The following ZFYVE21 variants were observed in gnomAD, a reference collection of about 807,000 sequenced individuals.
ZFYVE21 encodes the protein zinc finger FYVE-type containing 21, also known as zinc finger FYVE domain-containing protein 21.
Under a neutral mutation model 29.5 loss-of-function variants are expected in ZFYVE21, and 21 were observed. The observed-to-expected ratio is 0.71, with a 90% CI of 0.50 to 1.02. The LOEUF (loss-of-function observed/expected upper bound fraction) is 1.02, where lower values mean the gene tolerates loss of function less well. Among genes scored for constraint, ZFYVE21 ranks in the 50% least tolerant of loss-of-function variants. The pLI is 0.00. For missense variants in ZFYVE21, 326 were observed against 335.4 expected, an observed-to-expected ratio of 0.97 and a Z score of 0.22; for synonymous variants, 151 against 133.8, an observed-to-expected ratio of 1.13 and a Z score of -0.89.
chr14:103,728,422 C>T (rs549321631), intron 3 of ZFYVE21, among the ~76,000 whole-genome samples: 1 of 152,318 alleles, frequency 6.6e-6, no homozygotes, highest in South Asian at 2.1e-4. Flanking sequence ...CCACTGCCGT[C>T]CCAGCCTCCT....
chr14:103,716,221 G>A lies in ZFYVE21; in HGVS notation c.138+242G>A, dbSNP rs576371486. Among the ~76,000 whole-genome samples, 3 of 152,050 alleles carry A rather than the reference G, an allele frequency of 2.0e-5. No individual in the cohort carries two copies. The highest frequency in any genetic ancestry group is 4.4e-5 in the Non-Finnish European group (3 of 67,918). Reference sequence around the variant, plus strand: ...GTGCGGGGGTCCCGGGAGGGCAGGAGGCACCTGTCCAGGGCGGGCGCCGGG... The same window carrying A: ...GTGCGGGGGTCCCGGGAGGGCAGGAAGCACCTGTCCAGGGCGGGCGCCGGG... On this transcript the variant is annotated intron_variant, in intron 1 of 6. Transcript: ENST00000311141. The surrounding 1 kb of genome is among the most constrained non-coding windows in gnomAD (Gnocchi z 4.8).
chr14:103,733,136 C>T lies in ZFYVE21; in HGVS notation c.*118C>T. ...ATCCTGCTTGTGCTGGGAAATGCAA[C>T]TCACTCATGTATTTGGAGAAACAGG... On this transcript the variant is annotated 3_prime_UTR_variant, in exon 7 of 7. Transcript: ENST00000311141. 7.4e-7 allele frequency: 1 copy of T among 1,346,238 alleles called. No homozygotes were observed. Among genetic ancestry groups the T allele is most frequent in the Non-Finnish European group, 1.0e-6 (1 of 953,566 alleles). The allele number at this position is 1,346,238 out of a possible 1,614,324, so 83.4% of individuals were successfully genotyped here. A position where few individuals can be genotyped will look rare whatever the true frequency, so the allele number is the denominator to read the frequency against.
chr14:103,718,209 C>T (rs2083844435), intron 1 of ZFYVE21, among the ~76,000 whole-genome samples: 1 of 152,192 alleles, frequency 6.6e-6, no homozygotes, highest in South Asian at 2.1e-4. Flanking sequence ...TGGCCGTGTG[C>T]CGATCGGCAT....
intron 1 of ZFYVE21, among the ~76,000 whole-genome samples, chr14:103,719,708 T>C (rs910490848): frequency 6.6e-6 from 1 of 152,084 alleles, no homozygotes; most frequent in East Asian, 1.9e-4. Flanking sequence ...AGCTCACCCC[T>C]GTGAGGTGCC....
chr14:103,724,828 T>C (rs754717473), intron 1 of ZFYVE21: 8 of 152,210 alleles, frequency 5.3e-5, no homozygotes, highest in Admixed American at 3.9e-4. Context: ...GGTGTGCTTG[T>C]CACACCTTGT....
At chr14:103,722,607 C>A (rs2083882648) in intron 1 of ZFYVE21, among the ~76,000 whole-genome samples, 1 of 152,070 alleles carries the variant, frequency 6.6e-6, no homozygotes, top group Non-Finnish European at 1.5e-5. Context: ...ATCACAAGGT[C>A]AGGAGATCGA....
At chr14:103,723,639 G>A (rs776381904) in intron 1 of ZFYVE21, among the ~76,000 whole-genome samples, 1 of 152,200 alleles carries the variant, frequency 6.6e-6, no homozygotes, top group Non-Finnish European at 1.5e-5. Flanking sequence ...GCAGAATGGC[G>A]TCTGAAGGGC....
At chr14:103,721,880 G>T (rs962245565) in intron 1 of ZFYVE21, among the ~76,000 whole-genome samples, 1 of 152,230 alleles carries the variant, frequency 6.6e-6, no homozygotes, top group African/African-American at 2.4e-5. Flanking sequence ...GCCCACGCTG[G>T]TGGTGACACA....
chr14:103,727,969 T>G, intron 3 of ZFYVE21, 55 bp downstream of exon 3: 1 of 1,547,884 alleles, frequency 6.5e-7, no homozygotes, highest in South Asian at 1.2e-5. Context: ...GCTCCTCGTG[T>G]CTGTGGCGAT....
At chr14:103,727,360 G>GCCCCCCGCCCCCCCTGCC in intron 2 of ZFYVE21, 3 of 358,082 alleles carry the variant, frequency 8.4e-6, no homozygotes, top group Admixed American at 3.8e-5. Flanking sequence ...GCACCCACCT[G>GCCCCCCGCCCCCCCTGCC]CCCCCCGCCC....
intron 1 of ZFYVE21, among the ~76,000 whole-genome samples, chr14:103,723,606 G>T (rs1328837173): frequency 6.6e-6 from 1 of 152,210 alleles, no homozygotes; most frequent in Non-Finnish European, 1.5e-5. Context: ...CCTCGTGTGG[G>T]TCGCGACGGG....
chr14:103,718,979 G>A (rs1050661307), intron 1 of ZFYVE21, among the ~76,000 whole-genome samples: 7 of 152,208 alleles, frequency 4.6e-5, no homozygotes, highest in African/African-American at 1.7e-4. Flanking sequence ...CCTGAGTTCT[G>A]CGAGGGTCTC....
chr14:103,721,473 G>T (rs890718998), intron 1 of ZFYVE21, among the ~76,000 whole-genome samples: 2 of 152,234 alleles, frequency 1.3e-5, no homozygotes, highest in Non-Finnish European at 2.9e-5. Flanking sequence ...TCCCATGGAG[G>T]TGAGTGCCAG....
At chr14:103,726,509 C>T in intron 1 of ZFYVE21, 1 of 404,384 alleles carries the variant, frequency 2.5e-6, no homozygotes, top group African/African-American at 2.1e-5. Context: ...AGGATGCATG[C>T]TCTGCTGCGA....
intron 1 of ZFYVE21, among the ~76,000 whole-genome samples, chr14:103,723,928 G>C (rs1037855466): frequency 1.1e-4 from 16 of 152,178 alleles, no homozygotes; most frequent in Non-Finnish European, 1.6e-4. Flanking sequence ...ACACGCTGAG[G>C]GTGGCGGGGA....
At position 103,729,087 on chromosome 14, in the gene ZFYVE21, G is replaced by T. The variant is rs779995994; in HGVS notation, c.435-4G>T. 26 of 1,613,944 alleles carry T rather than the reference G, an allele frequency of 1.6e-5. No individual in the cohort carries two copies. The highest frequency in any genetic ancestry group is 3.3e-5 in the Admixed American group (2 of 60,002). ...CCCGATTTGGACACTTTTATTTGATGTAGATACTTGTTTCTGGATGGAGAC... is the reference window on the plus strand; with the variant it reads ...CCCGATTTGGACACTTTTATTTGATTTAGATACTTGTTTCTGGATGGAGAC... On this transcript the variant is annotated splice_polypyrimidine_tract_variant and splice_region_variant and intron_variant, in intron 4 of 6. Coordinates refer to ENST00000311141, the MANE Select transcript of ZFYVE21 (RefSeq NM_024071.4).
intron 1 of ZFYVE21, among the ~76,000 whole-genome samples, chr14:103,718,266 G>C (rs2083844787): frequency 6.6e-6 from 1 of 152,194 alleles, no homozygotes. Flanking sequence ...TTCCAGCTCT[G>C]TTCTTAGCCA....
chr14:103,729,639 TC>T, intron 5 of ZFYVE21: 8 of 952,500 alleles, frequency 8.4e-6, no homozygotes, highest in Non-Finnish European at 1.2e-5. Flanking sequence ...CCTGGGCCTC[TC>T]CACTAAACTC....
chr14:103,719,380 G>A (rs1373346485), intron 1 of ZFYVE21, among the ~76,000 whole-genome samples: 2 of 151,848 alleles, frequency 1.3e-5, no homozygotes, highest in Admixed American at 1.3e-4. Context: ...CACTTGAACC[G>A]GGAAGAGGAG....
Sources: gnomAD v4.1 joint callset for allele counts (sites outside exome capture counted in the v4.1 genomes callset) on GRCh38, gnomAD v4.1.1 for gene constraint, Gnocchi (gnomAD v3.1) non-coding constraint, MANE v1.5 for transcripts, NCBI Gene and HGNC (gene_info 2026-07-23, HGNC 2026-07-21) for gene names.